Variants in XYLT1 observed in about 807,000 individuals in gnomAD.
XYLT1 encodes the protein beta-D-xylosyltransferase 1.
In XYLT1, 36 loss-of-function variants were observed where a neutral mutation model predicts 91.3. The observed-to-expected ratio is 0.39, with a 90% CI of 0.30 to 0.52. The LOEUF is 0.52. XYLT1 is among the 20% of genes least tolerant of loss of function. The probability of loss-of-function intolerance (pLI) is 0.68; values close to 1 mark genes in which losing one functional copy is unlikely to be tolerated. For missense variants in XYLT1, 1,242 were observed against 1,284.5 expected, an observed-to-expected ratio of 0.97 and a Z score of 0.51; for synonymous variants, 588 against 532.0, an observed-to-expected ratio of 1.11 and a Z score of -1.45.
At chr16:17,251,833 G>GCC (rs2033544257) in intron 3 of XYLT1, among the ~76,000 whole-genome samples, 1 of 152,180 alleles carries the variant, frequency 6.6e-6, no homozygotes, top group African/African-American at 2.4e-5. Flanking sequence ...TTCTGGGGAA[G>GCC]AGGTGGTCCT....
intron 9 of XYLT1, among the ~76,000 whole-genome samples, chr16:17,131,194 C>T (rs1449883449): frequency 6.8e-6 from 1 of 147,960 alleles, no homozygotes; most frequent in Non-Finnish European, 1.5e-5. Flanking sequence ...TCTTGAACCT[C>T]AAGTTACATC....
chr16:17,138,551 C>A lies in XYLT1; in HGVS notation c.1588-20G>T, dbSNP rs1005430726. The A allele has an allele frequency of 6.2e-7, 1 of 1,608,910 alleles. No homozygotes were observed. The highest frequency in any genetic ancestry group is 1.3e-5 in the African/African-American group (1 of 74,750). On this transcript the variant is annotated intron_variant, in intron 7 of 11. Coordinates refer to ENST00000261381, the MANE Select transcript of XYLT1 (RefSeq NM_022166.4). ...GAAGGACTGCAGGGGAGAGAGGGAC[C>A]CAGCCTGAGACCTCTCCCAGCCTCC...
chr16:17,167,556 C>G (rs1402934130), intron 5 of XYLT1, among the ~76,000 whole-genome samples: 2 of 151,496 alleles, frequency 1.3e-5, no homozygotes, highest in African/African-American at 2.4e-5. Flanking sequence ...TCTAACCCAT[C>G]CTTCCATCTC....
At chr16:17,300,114 T>C (rs1301364629) in intron 2 of XYLT1, among the ~76,000 whole-genome samples, 2 of 151,962 alleles carry the variant, frequency 1.3e-5, no homozygotes, top group Non-Finnish European at 2.9e-5. Flanking sequence ...CGGGAGGAAT[T>C]TGGGGGTCAA....
intron 2 of XYLT1, among the ~76,000 whole-genome samples, chr16:17,357,715 G>A (rs563690772): frequency 1.3e-5 from 2 of 152,306 alleles, no homozygotes; most frequent in East Asian, 3.9e-4. Flanking sequence ...CCGCATGATG[G>A]TTGGGCAGGA....
intron 2 of XYLT1, 43 bp downstream of exon 2, chr16:17,357,969 T>C (rs2035324909): frequency 1.2e-6 from 2 of 1,605,364 alleles, no homozygotes; most frequent in Non-Finnish European, 1.7e-6. Context: ...AGAGCTGGAA[T>C]ACTAAGGCTG....
rs540784158 is a variant in XYLT1 at position 17,186,383 on chromosome 16, G to A, written c.1289+11829C>T. 5.3e-5 allele frequency among the ~76,000 whole-genome samples: 8 copies of A among 151,800 alleles called. No individual in the cohort carries two copies. The East Asian group carries it at 1.2e-3, about 22-fold the overall frequency. ...CTCCCAAAGGGCTGGGATTACAGACGTGAGCCACCATGCCCAGCCGATTTC... is the reference window on the plus strand; with the variant it reads ...CTCCCAAAGGGCTGGGATTACAGACATGAGCCACCATGCCCAGCCGATTTC... On this transcript the variant is annotated intron_variant, in intron 5 of 11. Coordinates refer to ENST00000261381, the MANE Select transcript of XYLT1 (RefSeq NM_022166.4).
intron 2 of XYLT1, among the ~76,000 whole-genome samples, chr16:17,357,047 T>A (rs144442850): frequency 6.6e-6 from 1 of 151,218 alleles, no homozygotes; most frequent in Non-Finnish European, 1.5e-5. Flanking sequence ...CGTGGCAGCG[T>A]GCGCCTGTAG....
chr16:17,124,306 G>A (rs960023748), intron 10 of XYLT1, among the ~76,000 whole-genome samples: 2 of 152,190 alleles, frequency 1.3e-5, no homozygotes, highest in Non-Finnish European at 2.9e-5. Context: ...AGCAGTTCTT[G>A]TAGTGCTGGC....
chr16:17,135,156 C>A (rs904630586), intron 8 of XYLT1, among the ~76,000 whole-genome samples: 2 of 152,052 alleles, frequency 1.3e-5, no homozygotes, highest in Non-Finnish European at 2.9e-5. Flanking sequence ...CACGGAAATT[C>A]TTTTGGCTTC....
At chr16:17,345,853 C>A (rs2035137421) in intron 2 of XYLT1, among the ~76,000 whole-genome samples, 1 of 152,198 alleles carries the variant, frequency 6.6e-6, no homozygotes. Flanking sequence ...CTCTGTCACC[C>A]ATGGTGGAGT....
chr16:17,302,208 A>C (rs2034405293), intron 2 of XYLT1, among the ~76,000 whole-genome samples: 1 of 151,730 alleles, frequency 6.6e-6, no homozygotes, highest in African/African-American at 2.4e-5. Flanking sequence ...CGATCTCAAA[A>C]TACTACTACT....
intron 2 of XYLT1, among the ~76,000 whole-genome samples, chr16:17,322,250 A>G (rs949303832): frequency 1.3e-5 from 2 of 152,144 alleles, no homozygotes; most frequent in Non-Finnish European, 2.9e-5. Context: ...TAAACTTCAA[A>G]GAGAAGGCTA....
In XYLT1 at chr16:17,304,482, ATTTGGACCG is replaced by A. The variant is rs982871568; in HGVS notation, c.403-44993_403-44985del. Among the ~76,000 whole-genome samples the A allele has an allele frequency of 5.5e-4, 15 of 27,162 alleles. No homozygotes were observed. In the African/African-American group the frequency reaches 0.011, roughly 20 times the overall value. 17.8% of individuals were successfully genotyped at this position (27,162 alleles called of 152,430 possible). ...AAAAAATGCTGCAGGGATTTGGACC[ATTTGGACCG>A]CGCAGGGGAGGGTGTTAAAGTGATT... is the stretch of plus-strand genomic sequence containing the variant. On this transcript the variant is annotated intron_variant, in intron 2 of 11. Coordinates refer to ENST00000261381, the MANE Select transcript of XYLT1 (RefSeq NM_022166.4).
chr16:17,379,946 T>C (rs1177310944), intron 1 of XYLT1, among the ~76,000 whole-genome samples: 3 of 152,132 alleles, frequency 2.0e-5, no homozygotes, highest in Non-Finnish European at 2.9e-5. Flanking sequence ...CTGGAAGAAA[T>C]ATGCACTTTT....
chr16:17,108,919 C>A lies in XYLT1; in HGVS notation c.2656G>T (p.Ala886Ser), dbSNP rs143481827. The change falls in exon 12 of 12, where the codon GCC becomes TCC. Residue 886 changes from alanine to serine, a missense_variant. Ala to Ser is a moderately conservative substitution (Grantham distance 99). Transcript: ENST00000261381. ...NPVLSLPINPAQVEQARRNAA... is the reference protein window; with the variant it reads ...NPVLSLPINPSQVEQARRNAA... The stretch of plus-strand genomic sequence containing the variant: ...TTCCTCCGTGCCTGTTCCACCTGGG[C>A]GGGGTTGATGGGCAGGCTGAGGACG... The A allele has an allele frequency of 1.2e-3, 1,903 of 1,601,690 alleles. 36 individuals carry two copies. In the South Asian group the frequency reaches 0.017, roughly 14 times the overall value.
At chr16:17,400,959 GTCTC>G (rs1339598002) in intron 1 of XYLT1, among the ~76,000 whole-genome samples, 1 of 144,992 alleles carries the variant, frequency 6.9e-6, no homozygotes, top group Non-Finnish European at 1.5e-5. Context: ...TCTCTCCTCT[GTCTC>G]TCTGTCTCAC....
chr16:17,129,871 T>C (rs551633814), intron 9 of XYLT1, among the ~76,000 whole-genome samples: 2 of 152,368 alleles, frequency 1.3e-5, no homozygotes, highest in East Asian at 3.9e-4. Context: ...CTTTATCTTA[T>C]GCTTTCTTCC....
At position 17,265,669 on chromosome 16, in the gene XYLT1, G is replaced by A. The variant is rs375496793; in HGVS notation, c.403-6171C>T. On this transcript the variant is annotated intron_variant, in intron 2 of 11. Transcript: ENST00000261381. ...GTTTAGAGTCAATTTCAATCAGGTA[G>A]AAATATGCTAAACATAATATGGCTC... Among the ~76,000 whole-genome samples the A allele has an allele frequency of 7.6e-4, 115 of 152,270 alleles. 1 individual carries two copies. In the Middle Eastern group the frequency reaches 0.014, roughly 18 times the overall value.
Sources: allele counts gnomAD v4.1 joint callset (sites outside exome capture counted in the v4.1 genomes callset), GRCh38; gene constraint gnomAD v4.1.1; transcripts MANE v1.5; gene names NCBI Gene and HGNC (gene_info 2026-07-23, HGNC 2026-07-21).